Variants in ANO6 observed in about 807,000 individuals in gnomAD.
The protein encoded by ANO6 is anoctamin-6.
A neutral mutation model predicts 117.5 loss-of-function variants in ANO6; 106 were observed. The observed-to-expected ratio is 0.90, with a 90% CI of 0.77 to 1.06. The LOEUF is 1.06. Among genes scored for constraint, ANO6 ranks in the 50% least tolerant of loss-of-function variants. ANO6 has a pLI of 0.00. For synonymous variants in ANO6, 367 were observed against 385.1 expected, an observed-to-expected ratio of 0.95 and a Z score of 0.55; for missense variants, 955 against 1,121.1, an observed-to-expected ratio of 0.85 and a Z score of 2.12.
intron 2 of ANO6, among the ~76,000 whole-genome samples, chr12:45,330,467 TAAC>T (rs1193702872): frequency 6.6e-6 from 1 of 152,146 alleles, no homozygotes; most frequent in Non-Finnish European, 1.5e-5. Context: ...AGTCGATTCT[TAAC>T]AAAATTAACA....
chr12:45,419,102 CAATA>C (rs1251237814), intron 17 of ANO6, among the ~76,000 whole-genome samples: 2 of 152,164 alleles, frequency 1.3e-5, no homozygotes, highest in Non-Finnish European at 2.9e-5. Flanking sequence ...GCTGCTGGTT[CAATA>C]AATAAGCTGA....
At chr12:45,307,018 G>A (rs533724272) in intron 2 of ANO6, among the ~76,000 whole-genome samples, 3 of 152,204 alleles carry the variant, frequency 2.0e-5, no homozygotes, top group South Asian at 2.1e-4. Flanking sequence ...TACATTTAAG[G>A]AAATGGAAGA....
intron 1 of ANO6, among the ~76,000 whole-genome samples, chr12:45,268,034 G>C (rs1430132708): frequency 6.6e-6 from 1 of 152,190 alleles, no homozygotes; most frequent in Non-Finnish European, 1.5e-5. Context: ...AAGGCCAGGT[G>C]CATTTTTTAA....
chr12:45,348,399 T>A, intron 5 of ANO6, 84 bp downstream of exon 5: 2 of 1,588,356 alleles, frequency 1.3e-6, no homozygotes. Flanking sequence ...GTTTTATTTT[T>A]AAAAACTGCA....
At chr12:45,259,692 T>A (rs1355777370) in intron 1 of ANO6, among the ~76,000 whole-genome samples, 1 of 152,230 alleles carries the variant, frequency 6.6e-6, no homozygotes, top group Non-Finnish European at 1.5e-5. Context: ...ATAGTATGCC[T>A]TCTCTGATAG....
chr12:45,358,650 T>C (rs1375244191), intron 8 of ANO6, among the ~76,000 whole-genome samples: 2 of 152,236 alleles, frequency 1.3e-5, no homozygotes, highest in African/African-American at 2.4e-5. Context: ...TTCTTGGGGA[T>C]ATACTGCCTG....
At position 45,416,596 on chromosome 12, in the gene ANO6, C is replaced by T. The variant is rs188248194; in HGVS notation, c.2012-103C>T. On this transcript the variant is annotated intron_variant, in intron 16 of 19. Coordinates refer to ENST00000320560, the MANE Select transcript of ANO6 (RefSeq NM_001025356.3). Reference sequence around the variant, plus strand: ...ATTATTTACCACAGATGTGTTTTCTCTCTGGGATTTAGTTCGTTTGCCTTT... The same window carrying T: ...ATTATTTACCACAGATGTGTTTTCTTTCTGGGATTTAGTTCGTTTGCCTTT... 1.2e-5 allele frequency: 12 copies of T among 1,031,342 alleles called. No individual in the cohort carries two copies. In the Admixed American group the frequency reaches 1.4e-4, roughly 12 times the overall value. The allele number at this position is 1,031,342 out of a possible 1,614,324, so 63.9% of individuals were successfully genotyped here. A position where few individuals can be genotyped will look rare whatever the true frequency, so the allele number is the denominator to read the frequency against.
chr12:45,312,163 G>C (rs1007382673), intron 2 of ANO6, among the ~76,000 whole-genome samples: 3 of 152,040 alleles, frequency 2.0e-5, no homozygotes, highest in Admixed American at 1.3e-4. Flanking sequence ...GAGGAAAGCA[G>C]GGAGCCCTGG....
intron 3 of ANO6, among the ~76,000 whole-genome samples, chr12:45,342,757 A>C (rs746712878): frequency 4.6e-5 from 7 of 152,206 alleles, no homozygotes; most frequent in Non-Finnish European, 1.0e-4. Flanking sequence ...TAATGATATC[A>C]AGATTAAAAG....
intron 1 of ANO6, chr12:45,256,676 A>G (rs1937841166): frequency 6.6e-6 from 1 of 152,242 alleles, no homozygotes; most frequent in Non-Finnish European, 1.5e-5. Flanking sequence ...ATTATAAAGC[A>G]TATTAAATTC....
Position 45,358,672 on chromosome 12 carries a change from A to G in ANO6, c.998+1248A>G, listed in dbSNP as rs1941474400. Among the ~76,000 whole-genome samples the G allele has an allele frequency of 3.3e-5, 5 of 152,100 alleles. No individual in the cohort carries two copies. In the South Asian group the frequency reaches 1.0e-3, roughly 31 times the overall value. On this transcript the variant is annotated intron_variant, in intron 8 of 19. Transcript: ENST00000320560. Reference sequence around the variant, plus strand: ...GGATATACTGCCTGTGCTCAAAACTATTTGGCTTTAATTATTTAATTATGA... The same window carrying G: ...GGATATACTGCCTGTGCTCAAAACTGTTTGGCTTTAATTATTTAATTATGA...
chr12:45,318,144 A>T (rs562121865), intron 2 of ANO6, among the ~76,000 whole-genome samples: 47 of 152,196 alleles, frequency 3.1e-4, no homozygotes, highest in African/African-American at 1.1e-3. Flanking sequence ...CCCATTTGTC[A>T]ATTTTGGCTT....
intron 1 of ANO6, among the ~76,000 whole-genome samples, chr12:45,284,536 T>C (rs1157454328): frequency 6.6e-6 from 1 of 152,088 alleles, no homozygotes; most frequent in African/African-American, 2.4e-5. Flanking sequence ...TTAAAAGGGG[T>C]GTTGTTTGCT....
intron 8 of ANO6, among the ~76,000 whole-genome samples, chr12:45,359,649 A>G (rs1358914633): frequency 1.3e-5 from 2 of 152,232 alleles, no homozygotes; most frequent in Non-Finnish European, 2.9e-5. Flanking sequence ...TGGCCAAATA[A>G]TACTCCATGT....
intron 19 of ANO6, among the ~76,000 whole-genome samples, chr12:45,425,180 GA>G: frequency 6.6e-6 from 1 of 151,982 alleles, no homozygotes; most frequent in East Asian, 1.9e-4. Context: ...TGGTGAAATG[GA>G]AAAAAACATG....
At chr12:45,319,708 G>C (rs1050714279) in intron 2 of ANO6, among the ~76,000 whole-genome samples, 1 of 152,176 alleles carries the variant, frequency 6.6e-6, no homozygotes, top group Non-Finnish European at 1.5e-5. Context: ...GTTCCTCCTT[G>C]TACCTCTGGT....
chr12:45,364,136 C>T (rs908133306), intron 8 of ANO6, among the ~76,000 whole-genome samples: 2 of 152,208 alleles, frequency 1.3e-5, no homozygotes, highest in African/African-American at 2.4e-5. Flanking sequence ...CTCTGGCCTC[C>T]ATGGTTTTTA....
At position 45,249,171 on chromosome 12, in the gene ANO6, C is replaced by G. The variant is rs190061353; in HGVS notation, c.70+32780C>G. ...CTGTAATATCCTGGGCCTAGAATGC[C>G]ATATAAATACAGCAACTTAGTTTGA... On this transcript the variant is annotated intron_variant, in intron 1 of 19. Transcript: ENST00000320560. Among the ~76,000 whole-genome samples the G allele has an allele frequency of 4.3e-3, 655 of 152,260 alleles. 6 individuals carry two copies. Among genetic ancestry groups the G allele is most frequent in the African/African-American group, 0.015 (620 of 41,538 alleles).
Position 45,350,769 on chromosome 12 carries a change from T to TA in ANO6, c.859dup (p.Ile287AsnfsTer40). ...TATACAAAAAGCAGCCCTTGGATCTTATCAGGTGAGGGGTTGTAGGGAGTA... is the reference window on the plus strand; with the variant it reads ...TATACAAAAAGCAGCCCTTGGATCTTAATCAGGTGAGGGGTTGTAGGGAGTA... On this transcript the variant is annotated frameshift_variant, in exon 7 of 20. Coordinates refer to ENST00000320560, the MANE Select transcript of ANO6 (RefSeq NM_001025356.3). LOFTEE classifies it high-confidence loss of function. 6.2e-7 allele frequency: 1 copy of TA among 1,612,988 alleles called. No individual in the cohort carries two copies. The highest frequency in any genetic ancestry group is 8.5e-7 in the Non-Finnish European group (1 of 1,179,426).
Sources: gnomAD v4.1 joint callset for allele counts (sites outside exome capture counted in the v4.1 genomes callset) on GRCh38, gnomAD v4.1.1 for gene constraint, MANE v1.5 for transcripts, NCBI Gene and HGNC (gene_info 2026-07-23, HGNC 2026-07-21) for gene names.